The following LRRC4C variants were observed in gnomAD, a reference collection of about 807,000 sequenced individuals.
LRRC4C encodes the protein leucine rich repeat containing 4C.
In LRRC4C, 5 loss-of-function variants were observed where a neutral mutation model predicts 33.6. The ratio of observed to expected loss-of-function variants is 0.15; its 90% CI spans 0.08 to 0.31. The LOEUF (loss-of-function observed/expected upper bound fraction) is 0.31, where lower values mean the gene tolerates loss of function less well. Ranked by LOEUF, LRRC4C falls within the 10% of genes least tolerant of loss-of-function variation. The pLI is 1.00. For synonymous variants in LRRC4C, 329 were observed against 302.0 expected (o/e 1.09, Z -0.93); for missense variants, 560 against 796.7 (o/e 0.70, Z 3.58).
intron 1 of LRRC4C, among the ~76,000 whole-genome samples, chr11:41,201,188 G>A (rs2136262610): frequency 6.6e-6 from 1 of 152,246 alleles, no homozygotes; most frequent in East Asian, 1.9e-4. Context: ...AGTTTAAATG[G>A]TTGTAAATAC....
chr11:41,433,519 T>A (rs1955314358), intron 1 of LRRC4C, among the ~76,000 whole-genome samples: 1 of 152,112 alleles, frequency 6.6e-6, no homozygotes, highest in Admixed American at 6.6e-5. Context: ...AACATTTGAG[T>A]CAGTGGGCTG....
chr11:40,623,267 CT>C, intron 3 of LRRC4C, among the ~76,000 whole-genome samples: 1 of 151,654 alleles, frequency 6.6e-6, no homozygotes, highest in African/African-American at 2.4e-5. Context: ...CCTCAAAAAC[CT>C]TTTTTAAAAA....
chr11:40,247,651 C>T (rs543221100), intron 4 of LRRC4C, among the ~76,000 whole-genome samples: 9 of 56,704 alleles, frequency 1.6e-4, no homozygotes, highest in Non-Finnish European at 5.4e-4. Flanking sequence ...TTGGGTTACT[C>T]TCTGCTTTTT....
intron 2 of LRRC4C, among the ~76,000 whole-genome samples, chr11:40,924,569 G>A (rs1957337377): frequency 6.6e-6 from 1 of 151,966 alleles, no homozygotes; most frequent in African/African-American, 2.4e-5. Context: ...AATAAGTTCT[G>A]GTATTTGATA....
intron 1 of LRRC4C, among the ~76,000 whole-genome samples, chr11:40,962,996 A>T (rs1851077364): frequency 6.6e-6 from 1 of 151,694 alleles, no homozygotes; most frequent in African/African-American, 2.4e-5. Context: ...TTATTTGAAG[A>T]TACAGAAGTG....
At chr11:41,376,856 C>A (rs765477036) in intron 1 of LRRC4C, among the ~76,000 whole-genome samples, 11 of 151,738 alleles carry the variant, frequency 7.2e-5, no homozygotes, top group Non-Finnish European at 1.3e-4. Context: ...TACACACATA[C>A]GTAGATCATA....
At chr11:40,230,658 T>C (rs1865133173) in intron 5 of LRRC4C, among the ~76,000 whole-genome samples, 1 of 152,150 alleles carries the variant, frequency 6.6e-6, no homozygotes, top group African/African-American at 2.4e-5. Flanking sequence ...AACATCTACC[T>C]ACAGATTGCC....
At chr11:40,622,908 C>T (rs1962589929) in intron 3 of LRRC4C, among the ~76,000 whole-genome samples, 1 of 151,394 alleles carries the variant, frequency 6.6e-6, no homozygotes, top group African/African-American at 2.4e-5. Context: ...ATAAATTTTC[C>T]TTGGGAAGAT....
At chr11:40,247,201 C>T (rs550229871) in intron 4 of LRRC4C, among the ~76,000 whole-genome samples, 8 of 152,102 alleles carry the variant, frequency 5.3e-5, no homozygotes, top group South Asian at 2.1e-4. Flanking sequence ...ACTTCTCCAG[C>T]GCACCCACTG....
intron 1 of LRRC4C, among the ~76,000 whole-genome samples, chr11:41,065,201 A>G (rs1938136160): frequency 1.4e-5 from 2 of 144,950 alleles, no homozygotes; most frequent in African/African-American, 5.0e-5. Context: ...TCCACCCGGG[A>G]ACAGGTTTGG....
intron 4 of LRRC4C, among the ~76,000 whole-genome samples, chr11:40,277,733 TA>T (rs1174647917): frequency 4.6e-5 from 7 of 152,112 alleles, no homozygotes; most frequent in African/African-American, 2.4e-5. Context: ...TTCTCACCTT[TA>T]AAAAGGGTGC....
chr11:40,267,525 G>C (rs1471070033), intron 4 of LRRC4C, among the ~76,000 whole-genome samples: 1 of 152,020 alleles, frequency 6.6e-6, no homozygotes, highest in African/African-American at 2.4e-5. Context: ...CTAATTTTTT[G>C]TATTTTCAGT....
intron 1 of LRRC4C, among the ~76,000 whole-genome samples, chr11:41,005,425 G>A (rs910148226): frequency 6.6e-6 from 1 of 152,084 alleles, no homozygotes; most frequent in Non-Finnish European, 1.5e-5. Context: ...GCAACATAGT[G>A]ACACCCAGTC....
chr11:41,262,144 C>A (rs1230151976), intron 1 of LRRC4C, among the ~76,000 whole-genome samples: 1 of 151,790 alleles, frequency 6.6e-6, no homozygotes, highest in Non-Finnish European at 1.5e-5. Flanking sequence ...GACCTTTTAA[C>A]CTAAAGGCTG....
intron 1 of LRRC4C, among the ~76,000 whole-genome samples, chr11:41,140,241 A>G (rs1340399921): frequency 6.6e-6 from 1 of 152,096 alleles, no homozygotes; most frequent in Non-Finnish European, 1.5e-5. Flanking sequence ...AGGTTAAGAA[A>G]TCCCCCAACT....
chr11:40,356,076 G>C (rs1947656957), intron 3 of LRRC4C, among the ~76,000 whole-genome samples: 2 of 151,976 alleles, frequency 1.3e-5, no homozygotes, highest in Non-Finnish European at 2.9e-5. Context: ...TGTGATTTAT[G>C]GGCACATTTC....
At chr11:41,297,444 A>T (rs1185365320) in intron 1 of LRRC4C, among the ~76,000 whole-genome samples, 1 of 152,192 alleles carries the variant, frequency 6.6e-6, no homozygotes, top group Non-Finnish European at 1.5e-5. Context: ...TTCTTGGAAG[A>T]ATTTAAAAAG....
intron 6 of LRRC4C, among the ~76,000 whole-genome samples, chr11:40,131,619 C>T (rs956669946): frequency 6.6e-6 from 1 of 151,992 alleles, no homozygotes; most frequent in Non-Finnish European, 1.5e-5. Flanking sequence ...TTTGTAGTAC[C>T]CTTCCGTGAA....
chr11:41,065,520 G>A (rs1441574777), intron 1 of LRRC4C, among the ~76,000 whole-genome samples: 2 of 152,160 alleles, frequency 1.3e-5, no homozygotes, highest in African/African-American at 4.8e-5. Context: ...GAGAGTGGCT[G>A]ATCCTGACAA....
Sources: allele counts gnomAD v4.1 joint callset (sites outside exome capture counted in the v4.1 genomes callset), GRCh38; gene constraint gnomAD v4.1.1; transcripts MANE v1.5; gene names NCBI Gene and HGNC (gene_info 2026-07-23, HGNC 2026-07-21).